The following STMP1 variants were observed in gnomAD, a reference collection of about 807,000 sequenced individuals.
The protein encoded by STMP1 is mitolamban.
STMP1 carries 7 observed loss-of-function variants against 7.0 expected under a neutral mutation model. The observed-to-expected ratio is 1.01, with a 90% CI of 0.57 to 1.89. The LOEUF is 1.89. Among genes scored for constraint, STMP1 ranks in the 40% most tolerant of loss-of-function variants. The pLI, the probability that STMP1 is intolerant of heterozygous loss-of-function variation, is 0.00. For missense variants in STMP1, 45 were observed against 53.0 expected, an observed-to-expected ratio of 0.85 and a Z score of 0.47; for synonymous variants, 19 against 18.4, an observed-to-expected ratio of 1.03 and a Z score of -0.08.
In STMP1 at chr7:135,674,991, T is replaced by G. The variant is rs1230598871; in HGVS notation, c.*826T>G. On this transcript the variant is annotated 3_prime_UTR_variant, in exon 3 of 3. Coordinates refer to ENST00000507606, the MANE Select transcript of STMP1 (RefSeq NM_001130929.2). ...AGGTATTTATATTATTACTTTGTAG[T>G]GATTGTCTTAAGAAAAAATATAGCC... 1.3e-5 allele frequency: 2 copies of G among 152,194 alleles called. No homozygotes were observed. The highest frequency in any genetic ancestry group is 4.8e-5 in the African/African-American group (2 of 41,448). 9.4% of individuals were successfully genotyped at this position (152,194 alleles called of 1,614,324 possible). A position where few individuals can be genotyped will look rare whatever the true frequency, so the allele number is the denominator to read the frequency against.
chr7:135,667,337 G>A (rs1320783700), intron 1 of STMP1, among the ~76,000 whole-genome samples: 2 of 152,042 alleles, frequency 1.3e-5, no homozygotes, highest in African/African-American at 4.8e-5. Flanking sequence ...TCAGCCTCCC[G>A]AGTAGCTGGG....
At chr7:135,662,627 G>C (rs1795245459) in intron 1 of STMP1, 33 bp downstream of exon 1, 2 of 1,543,474 alleles carry the variant, frequency 1.3e-6, no homozygotes, top group Non-Finnish European at 8.7e-7. Context: ...GGGGCCCGCT[G>C]CCTGGGGCGT....
chr7:135,666,923 C>T (rs1019054016), intron 1 of STMP1, among the ~76,000 whole-genome samples: 1 of 152,294 alleles, frequency 6.6e-6, no homozygotes, highest in African/African-American at 2.4e-5. Context: ...TCTTTATGCT[C>T]AACTTTTTGA....
rs970517793 is a variant in STMP1, at chr7:135,675,414, A to G, written c.*1249A>G. 8 of 152,092 alleles carry G rather than the reference A, an allele frequency of 5.3e-5. No homozygotes were observed. Among genetic ancestry groups the G allele is most frequent in the African/African-American group, 1.7e-4 (7 of 41,480 alleles). 9.4% of individuals were successfully genotyped at this position (152,092 alleles called of 1,614,324 possible). A position where few individuals can be genotyped will look rare whatever the true frequency, so the allele number is the denominator to read the frequency against. On this transcript the variant is annotated 3_prime_UTR_variant, in exon 3 of 3. Transcript: ENST00000507606. Reference sequence around the variant, plus strand: ...GGAGATCATTCTATACCAGCATGTAAGTAGCAAGGAACCTCATTCTTTTTT... The same window carrying G: ...GGAGATCATTCTATACCAGCATGTAGGTAGCAAGGAACCTCATTCTTTTTT...
chr7:135,673,171 A>C (rs1795373814), intron 2 of STMP1: 1 of 237,978 alleles, frequency 4.2e-6, no homozygotes, highest in Admixed American at 5.1e-5. Context: ...ACTATCCAGT[A>C]GTAGAGATGA....
At chr7:135,668,538 G>A (rs1296985860) in intron 1 of STMP1, among the ~76,000 whole-genome samples, 1 of 152,154 alleles carries the variant, frequency 6.6e-6, no homozygotes, top group South Asian at 2.1e-4. Context: ...GAGTAGCTGG[G>A]ACTACAGATG....
At chr7:135,663,578 A>C (rs1052495726) in intron 1 of STMP1, among the ~76,000 whole-genome samples, 3 of 152,134 alleles carry the variant, frequency 2.0e-5, no homozygotes, top group African/African-American at 7.2e-5. Flanking sequence ...TCCTGACCTC[A>C]AGTGATCAAC....
At chr7:135,662,703 G>C in intron 1 of STMP1, 109 bp downstream of exon 1, 1 of 1,330,962 alleles carries the variant, frequency 7.5e-7, no homozygotes, top group Non-Finnish European at 1.0e-6. Flanking sequence ...CGTGGGTCCA[G>C]CGGTCCCTTC....
intron 1 of STMP1, among the ~76,000 whole-genome samples, chr7:135,666,437 C>G (rs1795292529): frequency 6.6e-6 from 1 of 152,146 alleles, no homozygotes; most frequent in South Asian, 2.1e-4. Flanking sequence ...CAACCTCTGC[C>G]TCCTTGGTTC....
Position 135,672,739 on chromosome 7 carries a change from T to A in STMP1, c.16-14T>A. 6.5e-7 allele frequency: 1 copy of A among 1,548,978 alleles called. No homozygotes were observed. Among genetic ancestry groups the A allele is most frequent in the East Asian group, 2.4e-5 (1 of 40,894 alleles). Reference sequence around the variant, plus strand: ...TCGGCATGCACTATAACTCTTACTGTTCTATTTTTTCAGCTTGGATTTACA... The same window carrying A: ...TCGGCATGCACTATAACTCTTACTGATCTATTTTTTCAGCTTGGATTTACA... On this transcript the variant is annotated splice_polypyrimidine_tract_variant and intron_variant, in intron 1 of 2. Coordinates refer to ENST00000507606, the MANE Select transcript of STMP1 (RefSeq NM_001130929.2).
chr7:135,672,771 A>C lies in STMP1; in HGVS notation c.34A>C (p.Asn12His), dbSNP rs1452910576. 6.4e-7 allele frequency: 1 copy of C among 1,551,634 alleles called. No individual in the cohort carries two copies. The highest frequency in any genetic ancestry group is 2.0e-5 in the Admixed American group (1 of 51,002). Residue 12 changes from asparagine to histidine, a missense_variant, in exon 2 of 3, where the codon AAC becomes CAC. Transcript: ENST00000507606. Reference sequence around the variant, plus strand: ...TTTTCAGCTTGGATTTACACTGGGCAACGTGGTTGGAATGTATCTGGCTCA... The same window carrying C: ...TTTTCAGCTTGGATTTACACTGGGCCACGTGGTTGGAATGTATCTGGCTCA... ...LQFLLGFTLG[N>H]VVGMYLAQNY...
At chr7:135,669,634 G>A (rs1795337053) in intron 1 of STMP1, among the ~76,000 whole-genome samples, 1 of 152,190 alleles carries the variant, frequency 6.6e-6, no homozygotes, top group East Asian at 1.9e-4. Context: ...GTAATAAGCT[G>A]CATCATGTAC....
chr7:135,669,029 T>A (rs1253836409), intron 1 of STMP1, among the ~76,000 whole-genome samples: 1 of 152,226 alleles, frequency 6.6e-6, no homozygotes, highest in Non-Finnish European at 1.5e-5. Flanking sequence ...GAGGAGCAAG[T>A]AACGTCTTAC....
At chr7:135,667,727 G>C (rs1795311949) in intron 1 of STMP1, among the ~76,000 whole-genome samples, 1 of 150,850 alleles carries the variant, frequency 6.6e-6, no homozygotes, top group African/African-American at 2.4e-5. Flanking sequence ...TGTACTTTTG[G>C]TGTCATATCT....
chr7:135,664,285 C>A (rs1455328391), intron 1 of STMP1, among the ~76,000 whole-genome samples: 1 of 150,020 alleles, frequency 6.7e-6, no homozygotes, highest in Non-Finnish European at 1.5e-5. Flanking sequence ...AGTTAACTTT[C>A]TAAGTGGTTT....
At chr7:135,662,940 C>T (rs900131620) in intron 1 of STMP1, among the ~76,000 whole-genome samples, 1 of 152,230 alleles carries the variant, frequency 6.6e-6, no homozygotes, top group African/African-American at 2.4e-5. Flanking sequence ...AGTCCGCCCC[C>T]CTTTCTTTCT....
chr7:135,671,543 A>T lies in STMP1; in HGVS notation c.16-1210A>T, dbSNP rs572915108. On this transcript the variant is annotated intron_variant, in intron 1 of 2. Transcript: ENST00000507606. Reference sequence around the variant, plus strand: ...CTTAGTTACCAGAGGAAAACAGGGAATTATTATCATTAAAACTCAAAGCTG... The same window carrying T: ...CTTAGTTACCAGAGGAAAACAGGGATTTATTATCATTAAAACTCAAAGCTG... 2.0e-5 allele frequency among the ~76,000 whole-genome samples: 3 copies of T among 152,354 alleles called. No homozygotes were observed. The South Asian group carries it at 6.2e-4, about 32-fold the overall frequency.
chr7:135,667,870 A>C (rs1264399980), intron 1 of STMP1, among the ~76,000 whole-genome samples: 1 of 152,056 alleles, frequency 6.6e-6, no homozygotes, highest in Non-Finnish European at 1.5e-5. Flanking sequence ...AGCCCCACTC[A>C]TGAAGGTTTA....
rs1257144556 is a variant in STMP1 at position 135,672,742 on chromosome 7, T to C, written c.16-11T>C. On this transcript the variant is annotated splice_polypyrimidine_tract_variant and intron_variant, in intron 1 of 2. Transcript: ENST00000507606. ...GCATGCACTATAACTCTTACTGTTC[T>C]ATTTTTTCAGCTTGGATTTACACTG... 1 of 1,550,274 alleles carries C rather than the reference T, an allele frequency of 6.5e-7. No individual in the cohort carries two copies. The highest frequency in any genetic ancestry group is 1.4e-5 in the African/African-American group (1 of 73,160).
Sources: gnomAD v4.1 joint callset for allele counts (sites outside exome capture counted in the v4.1 genomes callset) on GRCh38, gnomAD v4.1.1 for gene constraint, MANE v1.5 for transcripts, NCBI Gene and HGNC (gene_info 2026-07-23, HGNC 2026-07-21) for gene names.